The following GRM1 variants were observed in gnomAD, a reference collection of about 807,000 sequenced individuals.
The protein encoded by GRM1 is glutamate metabotropic receptor 1, also known as metabotropic glutamate receptor 1.
Under a neutral mutation model 90.9 loss-of-function variants are expected in GRM1, and 33 were observed. The ratio of observed to expected loss-of-function variants is 0.36; its 90% CI spans 0.28 to 0.49. The LOEUF (loss-of-function observed/expected upper bound fraction) is 0.49, where lower values mean the gene tolerates loss of function less well. Among genes scored for constraint, GRM1 ranks in the 20% least tolerant of loss-of-function variants. The pLI, the probability that GRM1 is intolerant of heterozygous loss-of-function variation, is 0.99. For missense variants in GRM1, 1,190 were observed against 1,534.3 expected, an observed-to-expected ratio of 0.78 and a Z score of 3.75; for synonymous variants, 700 against 613.2, an observed-to-expected ratio of 1.14 and a Z score of -2.09.
chr6:146,255,846 A>G (rs1417365277), intron 2 of GRM1, among the ~76,000 whole-genome samples: 1 of 152,110 alleles, frequency 6.6e-6, no homozygotes, highest in African/African-American at 2.4e-5. Context: ...ATTTCATACT[A>G]TCCACTCATT....
intron 3 of GRM1, among the ~76,000 whole-genome samples, chr6:146,346,283 T>C (rs1271161967): frequency 6.6e-6 from 1 of 152,198 alleles, no homozygotes; most frequent in East Asian, 1.9e-4. Context: ...TTTAGAAAAG[T>C]ATCTGTATTG....
At chr6:146,395,908 G>A (rs1776908153) in intron 6 of GRM1, among the ~76,000 whole-genome samples, 1 of 152,196 alleles carries the variant, frequency 6.6e-6, no homozygotes, top group African/African-American at 2.4e-5. Flanking sequence ...TGGAAAATTT[G>A]TTTGCAGGAT....
At chr6:146,103,697 C>G (rs943345551) in intron 1 of GRM1, among the ~76,000 whole-genome samples, 1 of 152,248 alleles carries the variant, frequency 6.6e-6, no homozygotes, top group South Asian at 2.1e-4. Flanking sequence ...GAGGCTTTTC[C>G]CTAGAACAGG....
intron 7 of GRM1, among the ~76,000 whole-genome samples, chr6:146,400,927 A>G (rs1272313640): frequency 6.6e-6 from 1 of 152,040 alleles, no homozygotes; most frequent in East Asian, 1.9e-4. Context: ...ATTTATTATT[A>G]TTATTTTCTT....
intron 5 of GRM1, among the ~76,000 whole-genome samples, chr6:146,369,628 C>G (rs1775824748): frequency 6.6e-6 from 1 of 151,890 alleles, no homozygotes; most frequent in Non-Finnish European, 1.5e-5. Context: ...TTACAGTTTC[C>G]AAAATTACTC....
intron 2 of GRM1, among the ~76,000 whole-genome samples, chr6:146,212,917 G>A (rs1374635487): frequency 2.0e-5 from 3 of 152,062 alleles, no homozygotes; most frequent in Admixed American, 1.3e-4. Context: ...TTTCTCATAA[G>A]GTAACGTTTA....
chr6:146,208,288 T>TAA (rs1779562801), intron 2 of GRM1, among the ~76,000 whole-genome samples: 1 of 152,202 alleles, frequency 6.6e-6, no homozygotes, highest in Admixed American at 6.6e-5. Flanking sequence ...TGATAATTCT[T>TAA]ACATATCTTT....
chr6:146,167,730 G>C (rs1489625299), intron 2 of GRM1, among the ~76,000 whole-genome samples: 2 of 151,876 alleles, frequency 1.3e-5, no homozygotes, highest in Non-Finnish European at 2.9e-5. Context: ...TGGATTTTCA[G>C]GTTGTTTATC....
Position 146,300,121 on chromosome 6 carries a change from A to G in GRM1, c.951-4490A>G, listed in dbSNP as rs9403772. Among the ~76,000 whole-genome samples the G allele has an allele frequency of 1.2e-3, 177 of 152,260 alleles. 2 individuals are homozygous for G. In the East Asian group the frequency reaches 0.031, roughly 26 times the overall value. ...TTCCCTATTATATTGTAATCTCTGG[A>G]ATATTTTAAAGAATTATAATTTTAT... On this transcript the variant is annotated intron_variant, in intron 2 of 7. Coordinates refer to ENST00000282753, the MANE Select transcript of GRM1 (RefSeq NM_001278064.2).
intron 1 of GRM1, among the ~76,000 whole-genome samples, chr6:146,067,545 G>T (rs13203371): frequency 3.7e-4 from 56 of 152,018 alleles, no homozygotes; most frequent in Non-Finnish European, 7.5e-4. Flanking sequence ...ATCTAAGTAG[G>T]AAAGAGTTAA....
In GRM1 at chr6:146,292,478, T is replaced by C. The variant is rs372543485; in HGVS notation, c.951-12133T>C. 3.9e-5 allele frequency among the ~76,000 whole-genome samples: 6 copies of C among 151,948 alleles called. No homozygotes were observed. The East Asian group carries it at 9.7e-4, about 24-fold the overall frequency. ...TAGATGAAGGCCACAAATAGACATT[T>C]CTCAAAGAAAACATACAAGTGACCA... On this transcript the variant is annotated intron_variant, in intron 2 of 7. Coordinates refer to ENST00000282753, the MANE Select transcript of GRM1 (RefSeq NM_001278064.2).
intron 6 of GRM1, among the ~76,000 whole-genome samples, chr6:146,388,508 G>C (rs1018324771): frequency 2.0e-5 from 3 of 152,046 alleles, no homozygotes; most frequent in Admixed American, 2.0e-4. Flanking sequence ...ACAATACCTT[G>C]TAAAATGTTA....
chr6:146,357,929 A>G (rs112244210), intron 5 of GRM1, among the ~76,000 whole-genome samples: 52 of 152,352 alleles, frequency 3.4e-4, no homozygotes, highest in African/African-American at 9.9e-4. Context: ...ATGGACTGGA[A>G]TCTTTAACAC....
intron 4 of GRM1, among the ~76,000 whole-genome samples, chr6:146,353,454 G>T (rs1785474614): frequency 6.6e-6 from 1 of 152,120 alleles, no homozygotes; most frequent in East Asian, 1.9e-4. Context: ...GCTGTAGGTG[G>T]ATCATTGTCT....
intron 7 of GRM1, among the ~76,000 whole-genome samples, chr6:146,406,423 T>C (rs753441496): frequency 3.3e-5 from 5 of 152,124 alleles, no homozygotes; most frequent in Non-Finnish European, 7.4e-5. Flanking sequence ...ACATTGACAG[T>C]AAGATTTGAG....
intron 3 of GRM1, among the ~76,000 whole-genome samples, chr6:146,351,134 A>T (rs1162612273): frequency 6.6e-6 from 1 of 152,120 alleles, no homozygotes; most frequent in Non-Finnish European, 1.5e-5. Context: ...TTAGCCTGGG[A>T]ACCTTAGTGT....
chr6:146,407,903 T>C (rs1194790768), intron 7 of GRM1, among the ~76,000 whole-genome samples: 1 of 152,194 alleles, frequency 6.6e-6, no homozygotes, highest in Non-Finnish European at 1.5e-5. Context: ...CATGAAATGA[T>C]AAGAAACAGT....
At chr6:146,200,531 A>G (rs990919161) in intron 2 of GRM1, among the ~76,000 whole-genome samples, 4 of 152,196 alleles carry the variant, frequency 2.6e-5, no homozygotes, top group African/African-American at 9.7e-5. Flanking sequence ...TTGGCCATAT[A>G]TCATGCAGGA....
chr6:146,328,676 A>G (rs780700414), intron 3 of GRM1, among the ~76,000 whole-genome samples: 1 of 152,168 alleles, frequency 6.6e-6, no homozygotes, highest in Non-Finnish European at 1.5e-5. Flanking sequence ...CACAATTAGA[A>G]CCATGTGCCC....
Sources: allele counts gnomAD v4.1 joint callset (sites outside exome capture counted in the v4.1 genomes callset), GRCh38; gene constraint gnomAD v4.1.1; transcripts MANE v1.5; gene names NCBI Gene and HGNC (gene_info 2026-07-23, HGNC 2026-07-21).